Variants in TMEM178B observed in about 807,000 individuals in gnomAD.
TMEM178B encodes transmembrane protein 178B.
TMEM178B carries 5 observed loss-of-function variants against 31.0 expected under a neutral mutation model. That is an observed-to-expected ratio of 0.16 (90% CI 0.08 to 0.34). The LOEUF (loss-of-function observed/expected upper bound fraction) is 0.34, where lower values mean the gene tolerates loss of function less well. Ranked by LOEUF, TMEM178B falls within the 10% of genes least tolerant of loss-of-function variation. TMEM178B has a pLI of 1.00. For synonymous variants in TMEM178B, 164 were observed against 164.0 expected (o/e 1.00, Z 0.00); for missense variants, 275 against 400.3 (o/e 0.69, Z 2.67).
chr7:141,151,959 T>C (rs1005566167), intron 1 of TMEM178B, among the ~76,000 whole-genome samples: 8 of 152,080 alleles, frequency 5.3e-5, no homozygotes, highest in African/African-American at 1.9e-4. Context: ...TCACAGCCAT[T>C]GGACAGTGTG....
chr7:141,185,009 G>C (rs918129538), intron 1 of TMEM178B, among the ~76,000 whole-genome samples: 9 of 152,170 alleles, frequency 5.9e-5, no homozygotes, highest in African/African-American at 1.9e-4. Context: ...CAGTTGAAAC[G>C]GGAAAAGTTC....
At chr7:141,321,335 A>G (rs897136418) in intron 2 of TMEM178B, among the ~76,000 whole-genome samples, 10 of 152,238 alleles carry the variant, frequency 6.6e-5, no homozygotes, top group Non-Finnish European at 8.8e-5. Flanking sequence ...CCTCACAGGC[A>G]TGGGCATCGT....
intron 2 of TMEM178B, among the ~76,000 whole-genome samples, chr7:141,240,057 G>T (rs920824254): frequency 6.6e-6 from 1 of 151,964 alleles, no homozygotes; most frequent in African/African-American, 2.4e-5. Flanking sequence ...ATTTTAATTC[G>T]ATTTAATTAT....
intron 2 of TMEM178B, among the ~76,000 whole-genome samples, chr7:141,271,266 C>T (rs952942220): frequency 6.6e-6 from 1 of 152,182 alleles, no homozygotes; most frequent in Non-Finnish European, 1.5e-5. Context: ...AGCATTGTAG[C>T]AAGTACTCTC....
In TMEM178B at chr7:141,074,102, C is replaced by G; in HGVS notation, c.-209C>G. ...GATGCCCAGGAGCCCGCGGGAGCCT[C>G]TCCGGATCAGAACTTTTTAGGCCGC... is the stretch of plus-strand genomic sequence containing the variant. On this transcript the variant is annotated 5_prime_UTR_variant, in exon 1 of 4. Transcript: ENST00000565468. This position sits in a 1 kb window ranked among gnomAD's most constrained non-coding sequence, Gnocchi z 5.1. The G allele has an allele frequency of 1.6e-6, 1 of 640,188 alleles. No individual in the cohort carries two copies. The highest frequency in any genetic ancestry group is 2.3e-6 in the Non-Finnish European group (1 of 431,092). 39.7% of individuals were successfully genotyped at this position (640,188 alleles called of 1,614,324 possible).
At chr7:141,166,230 AG>A (rs1309930945) in intron 1 of TMEM178B, among the ~76,000 whole-genome samples, 1 of 152,202 alleles carries the variant, frequency 6.6e-6, no homozygotes, top group Admixed American at 6.5e-5. Context: ...GTGCTCTCTA[AG>A]GGGCCATTTT....
intron 2 of TMEM178B, among the ~76,000 whole-genome samples, chr7:141,425,860 A>AG (rs1375877715): frequency 6.6e-6 from 1 of 152,210 alleles, no homozygotes; most frequent in African/African-American, 2.4e-5. Context: ...GGAAGTGTCA[A>AG]GCCTGTCTTC....
intron 2 of TMEM178B, among the ~76,000 whole-genome samples, chr7:141,310,021 A>G (rs1382360411): frequency 2.0e-5 from 3 of 152,218 alleles, no homozygotes; most frequent in African/African-American, 4.8e-5. Flanking sequence ...GGCTATAGGC[A>G]TGGGCAAAGA....
intron 2 of TMEM178B, among the ~76,000 whole-genome samples, chr7:141,261,150 T>C (rs1196981457): frequency 2.0e-5 from 3 of 152,082 alleles, no homozygotes; most frequent in Non-Finnish European, 2.9e-5. Flanking sequence ...ACTGTTGGGG[T>C]GGAGGCTTAA....
intron 2 of TMEM178B, among the ~76,000 whole-genome samples, chr7:141,435,883 C>G (rs1434902526): frequency 1.3e-5 from 2 of 152,178 alleles, no homozygotes; most frequent in African/African-American, 4.8e-5. Flanking sequence ...AGAGCAGGAA[C>G]CTGCCCTGTG....
chr7:141,145,922 G>C (rs576401108), intron 1 of TMEM178B, among the ~76,000 whole-genome samples: 1 of 152,160 alleles, frequency 6.6e-6, no homozygotes, highest in South Asian at 2.1e-4. Context: ...GTTTGCAATT[G>C]TTCATCTAAT....
intron 3 of TMEM178B, among the ~76,000 whole-genome samples, chr7:141,441,024 G>C (rs896632720): frequency 6.6e-6 from 1 of 152,226 alleles, no homozygotes; most frequent in Non-Finnish European, 1.5e-5. Context: ...TCTCTCAGGG[G>C]TGGGAGGGCA....
chr7:141,215,337 A>ATTATTTTTTTTTTTTT (rs55726735), intron 2 of TMEM178B, among the ~76,000 whole-genome samples: 2 of 141,488 alleles, frequency 1.4e-5, no homozygotes, highest in Non-Finnish European at 3.1e-5. Context: ...TATTATTATT[A>ATTATTTTTTTTTTTTT]TTTTTTGAGA....
chr7:141,358,526 C>T (rs1328463017), intron 2 of TMEM178B, among the ~76,000 whole-genome samples: 1 of 152,102 alleles, frequency 6.6e-6, no homozygotes, highest in Non-Finnish European at 1.5e-5. Flanking sequence ...GTTCTTTGTT[C>T]CCTAAACCAA....
chr7:141,449,765 A>G (rs1363505624), intron 3 of TMEM178B, among the ~76,000 whole-genome samples: 1 of 152,214 alleles, frequency 6.6e-6, no homozygotes. Context: ...ACCTTGGCCC[A>G]GGCAATCTCT....
chr7:141,419,085 T>G (rs1801154007), intron 2 of TMEM178B, among the ~76,000 whole-genome samples: 2 of 152,132 alleles, frequency 1.3e-5, no homozygotes, highest in African/African-American at 4.8e-5. Context: ...TTTTTTTGTA[T>G]TTTTAGTAGA....
At chr7:141,411,679 A>G (rs1800993294) in intron 2 of TMEM178B, among the ~76,000 whole-genome samples, 2 of 152,226 alleles carry the variant, frequency 1.3e-5, no homozygotes, top group Non-Finnish European at 2.9e-5. Flanking sequence ...TCACCCATTC[A>G]TTCAGCACAT....
At chr7:141,346,354 T>C (rs1799621009) in intron 2 of TMEM178B, among the ~76,000 whole-genome samples, 3 of 152,206 alleles carry the variant, frequency 2.0e-5, no homozygotes, top group Admixed American at 6.5e-5. Context: ...CTAGGTGTAA[T>C]TTTGGACTAT....
chr7:141,458,826 T>A (rs1802011131), intron 3 of TMEM178B, among the ~76,000 whole-genome samples: 1 of 152,160 alleles, frequency 6.6e-6, no homozygotes, highest in Admixed American at 6.5e-5. Flanking sequence ...AAGGTGTCCA[T>A]TGAAACACAA....
Sources: allele counts gnomAD v4.1 joint callset (sites outside exome capture counted in the v4.1 genomes callset), GRCh38; gene constraint gnomAD v4.1.1; non-coding constraint Gnocchi (gnomAD v3.1); transcripts MANE v1.5; gene names NCBI Gene and HGNC (gene_info 2026-07-23, HGNC 2026-07-21).